The following ADGRL3 variants were observed in gnomAD, a reference collection of about 807,000 sequenced individuals.
The protein encoded by ADGRL3 is adhesion G protein-coupled receptor L3, also known as calcium-independent alpha-latrotoxin receptor 3.
A neutral mutation model predicts 153.5 loss-of-function variants in ADGRL3; 62 were observed. The ratio of observed to expected loss-of-function variants is 0.40; its 90% CI spans 0.33 to 0.50. The LOEUF (loss-of-function observed/expected upper bound fraction) is 0.50. ADGRL3 is among the 20% of genes least tolerant of loss of function. ADGRL3 has a pLI of 0.47. For synonymous variants in ADGRL3, 710 were observed against 672.5 expected, an observed-to-expected ratio of 1.06 and a Z score of -0.86; for missense variants, 1,641 against 1,859.4, an observed-to-expected ratio of 0.88 and a Z score of 2.16.
intron 10 of ADGRL3, among the ~76,000 whole-genome samples, chr4:61,895,358 T>C (rs1256347119): frequency 6.6e-6 from 1 of 151,878 alleles, no homozygotes. Flanking sequence ...CCCAGCTACT[T>C]GGGAGGCTGA....
chr4:62,068,449 T>A (rs1367499920), intron 26 of ADGRL3, among the ~76,000 whole-genome samples: 2 of 152,206 alleles, frequency 1.3e-5, no homozygotes, highest in Non-Finnish European at 2.9e-5. Flanking sequence ...ATTAAGCATT[T>A]ATTTTTGCTA....
In ADGRL3 at chr4:62,000,823, C is replaced by T. The variant is rs572399737; in HGVS notation, c.3395+2558C>T. ...AAGAGGTAGAGTCTTGCTCTGTTGC[C>T]CAGTTTGAAGTGCAGTAGTGCCATC... is the stretch of plus-strand genomic sequence containing the variant. On this transcript the variant is annotated intron_variant, in intron 21 of 26. Transcript: ENST00000683033. Among the ~76,000 whole-genome samples, 9 of 151,164 alleles carry T rather than the reference C, an allele frequency of 6.0e-5. No homozygotes were observed. The South Asian group carries it at 1.9e-3, about 32-fold the overall frequency.
At chr4:61,647,104 C>G (rs545694740) in intron 5 of ADGRL3, among the ~76,000 whole-genome samples, 3 of 152,252 alleles carry the variant, frequency 2.0e-5, no homozygotes, top group Admixed American at 6.5e-5. Context: ...TTGTGCTTCC[C>G]GAGTGAGGCA....
intron 2 of ADGRL3, among the ~76,000 whole-genome samples, chr4:61,440,652 G>GA (rs1225334546): frequency 6.8e-6 from 1 of 146,516 alleles, no homozygotes; most frequent in African/African-American, 2.5e-5. Flanking sequence ...GTTGCTGTCT[G>GA]AAAAATGTAA....
intron 5 of ADGRL3, among the ~76,000 whole-genome samples, chr4:61,659,986 T>C (rs1012244593): frequency 1.3e-5 from 2 of 150,752 alleles, no homozygotes; most frequent in African/African-American, 4.9e-5. Context: ...TATGGACTGA[T>C]TGGATATTGG....
chr4:61,952,107 G>A (rs1299146629), intron 17 of ADGRL3, among the ~76,000 whole-genome samples: 2 of 152,122 alleles, frequency 1.3e-5, no homozygotes, highest in Admixed American at 6.6e-5. Flanking sequence ...AATAGGGAAA[G>A]TATTAATCTC....
intron 17 of ADGRL3, among the ~76,000 whole-genome samples, chr4:61,971,315 A>G (rs1002901141): frequency 4.0e-5 from 6 of 151,260 alleles, no homozygotes; most frequent in Admixed American, 4.0e-4. Context: ...CGCTCCCACC[A>G]CCCCACAACA....
intron 1 of ADGRL3, among the ~76,000 whole-genome samples, chr4:61,361,752 ATGG>A (rs1430706518): frequency 1.3e-5 from 2 of 152,152 alleles, no homozygotes; most frequent in Non-Finnish European, 2.9e-5. Flanking sequence ...AGAATAGGAG[ATGG>A]TGAAGACTAT....
At chr4:61,274,688 C>T (rs1472867455) in intron 1 of ADGRL3, among the ~76,000 whole-genome samples, 1 of 152,048 alleles carries the variant, frequency 6.6e-6, no homozygotes, top group Non-Finnish European at 1.5e-5. Context: ...ATTTTGGAGG[C>T]AGAGGCAGGA....
intron 23 of ADGRL3, among the ~76,000 whole-genome samples, chr4:62,032,194 A>T (rs1722474853): frequency 6.6e-6 from 1 of 151,550 alleles, no homozygotes; most frequent in African/African-American, 2.4e-5. Context: ...TTTATTATGA[A>T]ATCTAAGAGT....
chr4:61,578,121 G>T (rs970145511), intron 4 of ADGRL3, among the ~76,000 whole-genome samples: 8 of 152,028 alleles, frequency 5.3e-5, no homozygotes, highest in African/African-American at 1.9e-4. Context: ...GATTATTGGT[G>T]TGATATTCTT....
In ADGRL3 at chr4:61,626,990, A is replaced by G. The variant is rs146018452; in HGVS notation, c.473+39550A>G. Among the ~76,000 whole-genome samples the G allele has an allele frequency of 3.4e-4, 51 of 152,218 alleles. No homozygotes were observed. In the East Asian group the frequency reaches 8.9e-3, roughly 27 times the overall value. ...TGTGAAAATAATTGTTGTTTTTGCC[A>G]TTATTTTTAATACCTACAATAAGAG... On this transcript the variant is annotated intron_variant, in intron 5 of 26. Transcript: ENST00000683033.
chr4:61,760,292 G>T (rs1270661866), intron 8 of ADGRL3, among the ~76,000 whole-genome samples: 1 of 152,176 alleles, frequency 6.6e-6, no homozygotes, highest in Non-Finnish European at 1.5e-5. Flanking sequence ...TTCTTGAGCT[G>T]CAGTGGGCTC....
At position 61,457,103 on chromosome 4, in the gene ADGRL3, T is replaced by C. The variant is rs1022173356; in HGVS notation, c.-173-40018T>C. Among the ~76,000 whole-genome samples, 3 of 152,006 alleles carry C rather than the reference T, an allele frequency of 2.0e-5. No individual in the cohort carries two copies. The South Asian group carries it at 6.2e-4, about 31-fold the overall frequency. ...CCTTTAAATTTTTTTCAAAATGGGA[T>C]TCAGTGACTATTTCCATTATGTTTT... On this transcript the variant is annotated intron_variant, in intron 2 of 26. Coordinates refer to ENST00000683033, the MANE Select transcript of ADGRL3 (RefSeq NM_001387552.1).
At chr4:61,326,502 T>A (rs1474798346) in intron 1 of ADGRL3, among the ~76,000 whole-genome samples, 2 of 151,036 alleles carry the variant, frequency 1.3e-5, no homozygotes, top group East Asian at 3.9e-4. Flanking sequence ...TGTGAAAAAA[T>A]CCATGAATTT....
chr4:61,647,501 A>T (rs890669299), intron 5 of ADGRL3, among the ~76,000 whole-genome samples: 3 of 152,086 alleles, frequency 2.0e-5, no homozygotes, highest in African/African-American at 7.2e-5. Context: ...TTGAAGTCTC[A>T]TTGATGGTTT....
At chr4:61,619,420 T>G (rs2092329295) in intron 5 of ADGRL3, among the ~76,000 whole-genome samples, 1 of 152,170 alleles carries the variant, frequency 6.6e-6, no homozygotes. Flanking sequence ...ATTGATATTA[T>G]TTTTTAAAGA....
chr4:61,748,282 C>T (rs1174472233), intron 8 of ADGRL3, among the ~76,000 whole-genome samples: 2 of 152,140 alleles, frequency 1.3e-5, no homozygotes, highest in African/African-American at 2.4e-5. Context: ...GACCACACTG[C>T]CCAAGGTAAT....
chr4:61,320,023 A>G (rs955889558), intron 1 of ADGRL3, among the ~76,000 whole-genome samples: 4 of 152,112 alleles, frequency 2.6e-5, no homozygotes, highest in Admixed American at 1.3e-4. Context: ...TAATCAATAG[A>G]ATTAATGCTC....
Sources: gnomAD v4.1 joint callset for allele counts (sites outside exome capture counted in the v4.1 genomes callset) on GRCh38, gnomAD v4.1.1 for gene constraint, MANE v1.5 for transcripts, NCBI Gene and HGNC (gene_info 2026-07-23, HGNC 2026-07-21) for gene names.